The following PTPN13 variants were observed in gnomAD, a reference collection of about 807,000 sequenced individuals.
PTPN13 encodes tyrosine-protein phosphatase non-receptor type 13.
PTPN13 carries 191 observed loss-of-function variants against 284.0 expected under a neutral mutation model. That is an observed-to-expected ratio of 0.67 (90% CI 0.60 to 0.76). PTPN13 has a LOEUF of 0.76. Ranked by LOEUF, PTPN13 falls within the 30% of genes least tolerant of loss-of-function variation. PTPN13 has a pLI of 0.00. For missense variants in PTPN13, 2,797 were observed against 2,939.9 expected (o/e 0.95, Z 1.12); for synonymous variants, 986 against 1,022.3 (o/e 0.96, Z 0.68).
Position 86,745,262 on chromosome 4 carries a change from A to G in PTPN13, c.2650+134A>G, listed in dbSNP as rs555319584. 12 of 854,550 alleles carry G rather than the reference A, an allele frequency of 1.4e-5. No individual in the cohort carries two copies. In the African/African-American group the frequency reaches 2.1e-4, roughly 15 times the overall value. 52.9% of individuals were successfully genotyped at this position (854,550 alleles called of 1,614,324 possible). On this transcript the variant is annotated intron_variant, in intron 17 of 47. Transcript: ENST00000411767. ...CATGTTAAATAGCTAAATCAAGTCT[A>G]TAAAGGTGTTACAAGTGAAGCCAAT...
Position 86,741,682 on chromosome 4 carries a change from C to G in PTPN13, c.2353C>G (p.Pro785Ala). 6.2e-7 allele frequency: 1 copy of G among 1,613,646 alleles called. No individual in the cohort carries two copies. Among genetic ancestry groups the G allele is most frequent in the Non-Finnish European group, 8.5e-7 (1 of 1,179,722 alleles). The change falls in exon 16 of 48, where the codon CCT becomes GCT. Residue 785 changes from proline (P) to alanine (A), a missense_variant. By Grantham distance (27) the Pro-to-Ala change is conservative. Transcript: ENST00000411767. ...TGGAGTTCATTTTCACCGAGTGCAC[C>G]CTGAGAAGAAGTCACAAACAGGAAT... is the stretch of plus-strand genomic sequence containing the variant. The part of the protein sequence containing the change: ...EYGVHFHRVH[P>A]EKKSQTGILL...
At chr4:86,709,825 C>A (rs1453936424) in intron 7 of PTPN13, among the ~76,000 whole-genome samples, 1 of 152,154 alleles carries the variant, frequency 6.6e-6, no homozygotes. Flanking sequence ...ACTGTTCATT[C>A]TTTTTGATAT....
intron 2 of PTPN13, among the ~76,000 whole-genome samples, chr4:86,656,404 G>A (rs147015328): frequency 6.6e-6 from 1 of 152,116 alleles, no homozygotes; most frequent in Non-Finnish European, 1.5e-5. Context: ...TGATGGTGAC[G>A]TACAGATGGG....
intron 1 of PTPN13, among the ~76,000 whole-genome samples, chr4:86,622,327 A>G (rs1721341125): frequency 6.6e-6 from 1 of 152,236 alleles, no homozygotes. Context: ...CTTTAAAAAC[A>G]TACTGTAGTT....
chr4:86,650,058 T>A (rs1449426835), intron 2 of PTPN13, among the ~76,000 whole-genome samples: 1 of 152,188 alleles, frequency 6.6e-6, no homozygotes, highest in Non-Finnish European at 1.5e-5. Flanking sequence ...TGATCTTGGC[T>A]CACTGCAGCC....
intron 12 of PTPN13, among the ~76,000 whole-genome samples, chr4:86,733,629 T>C (rs1037803029): frequency 7.9e-5 from 12 of 152,116 alleles, no homozygotes; most frequent in African/African-American, 2.7e-4. Flanking sequence ...TGATGTTCTA[T>C]CACTTTACTA....
chr4:86,803,575 A>C, intron 42 of PTPN13, 134 bp from the exon 43 acceptor site: 1 of 953,318 alleles, frequency 1.0e-6, no homozygotes, highest in South Asian at 1.7e-5. Context: ...CGTAGGCGAC[A>C]GAACAAGATT....
At chr4:86,751,199 A>G (rs1691421456) in intron 19 of PTPN13, 75 bp downstream of exon 19, 1 of 1,118,728 alleles carries the variant, frequency 8.9e-7, no homozygotes, top group Non-Finnish European at 1.3e-6. Flanking sequence ...CATCTTAATT[A>G]TCAAATTATT....
chr4:86,659,729 T>C (rs555374136), intron 2 of PTPN13, among the ~76,000 whole-genome samples: 2 of 152,032 alleles, frequency 1.3e-5, no homozygotes, highest in South Asian at 4.2e-4. Context: ...AGCAGGAGAA[T>C]TACTTGAACC....
At position 86,689,098 on chromosome 4, in the gene PTPN13, G is replaced by A. The variant is rs377719957; in HGVS notation, c.454G>A (p.Ala152Thr). The change falls in exon 5 of 48, where the codon GCT (alanine) becomes ACT (threonine). Residue 152 changes from alanine to threonine, a missense_variant. Physicochemically the swap from Ala to Thr is moderately conservative, Grantham distance 58. Coordinates refer to ENST00000411767, the MANE Select transcript of PTPN13 (RefSeq NM_080683.3). ...ARVSVRTVLD[A>T]CSAHIRNSNC... ...AGTTTCTGTTCGGACTGTGCTGGAT[G>A]CTTGCAGTGCCCACATTAGGAATAG... is the stretch of plus-strand genomic sequence containing the variant. The A allele has an allele frequency of 3.7e-6, 6 of 1,608,698 alleles. No homozygotes were observed. The African/African-American group carries it at 8.0e-5, about 21-fold the overall frequency.
In PTPN13 at chr4:86,803,748, C is replaced by G; in HGVS notation, c.6545C>G (p.Pro2182Arg). Residue 2182 changes from proline (P) to arginine (R), a missense_variant, in exon 43 of 48, where the codon CCT (proline) becomes CGT (arginine). Pro to Arg is a moderately radical substitution (Grantham distance 103, BLOSUM62 -2). Coordinates refer to ENST00000411767, the MANE Select transcript of PTPN13 (RefSeq NM_080683.3). ...ACAAACGATGAGCTCGCTGTACTCC[C>G]TGTCGTCAAAGTGCTTCCCTCTGGT... is the stretch of plus-strand genomic sequence containing the variant. The part of the protein sequence containing the change: ...FLTNDELAVL[P>R]VVKVLPSGKY... 6.2e-7 allele frequency: 1 copy of G among 1,613,926 alleles called. No homozygotes were observed. The highest frequency in any genetic ancestry group is 8.5e-7 in the Non-Finnish European group (1 of 1,179,820).
intron 10 of PTPN13, among the ~76,000 whole-genome samples, 187 bp from the exon 11 acceptor site, chr4:86,732,213 T>A (rs781512836): frequency 2.0e-5 from 3 of 152,232 alleles, no homozygotes; most frequent in Non-Finnish European, 2.9e-5. Context: ...CATACTCCAT[T>A]TCTGTTATTG....
At chr4:86,605,364 C>G (rs959654712) in intron 1 of PTPN13, among the ~76,000 whole-genome samples, 6 of 151,886 alleles carry the variant, frequency 4.0e-5, no homozygotes, top group Admixed American at 6.6e-5. Context: ...GTTGGATGAT[C>G]TGATCTATGA....
intron 44 of PTPN13, 74 bp from the exon 45 acceptor site, chr4:86,807,486 C>T (rs1294273464): frequency 1.3e-5 from 14 of 1,100,336 alleles, no homozygotes; most frequent in Non-Finnish European, 1.7e-5. Context: ...TGATCTTTGA[C>T]TCATGCAATT....
At chr4:86,771,830 T>C (rs1171570593) in intron 31 of PTPN13, among the ~76,000 whole-genome samples, 2 of 152,150 alleles carry the variant, frequency 1.3e-5, no homozygotes, top group African/African-American at 2.4e-5. Flanking sequence ...AGAAACAGAA[T>C]AGACTTATTT....
intron 10 of PTPN13, among the ~76,000 whole-genome samples, chr4:86,732,067 CT>C (rs898784940): frequency 1.3e-5 from 2 of 151,996 alleles, no homozygotes; most frequent in African/African-American, 2.4e-5. Context: ...TCTTCAAGAC[CT>C]TTTTTTTGAG....
Position 86,771,370 on chromosome 4 carries a change from C to G in PTPN13, c.5003C>G (p.Ala1668Gly), listed in dbSNP as rs61730639. Residue 1668 changes from alanine (A) to glycine (G), a missense_variant, in exon 31 of 48, where the codon GCA becomes GGA. Physicochemically the swap from Ala to Gly is moderately conservative, Grantham distance 60 (BLOSUM62 0). Coordinates refer to ENST00000411767, the MANE Select transcript of PTPN13 (RefSeq NM_080683.3). ...GAAGATGACTTAGTGACAGCTCCAG[C>G]AAACATATCAAATTCGACCTGGAGT... ...SGEDDLVTAP[A>G]NISNSTWSSA... 9 of 1,576,652 alleles carry G rather than the reference C, an allele frequency of 5.7e-6. No individual in the cohort carries two copies. The African/African-American group carries it at 8.1e-5, about 14-fold the overall frequency.
intron 3 of PTPN13, among the ~76,000 whole-genome samples, chr4:86,680,251 C>T (rs896788850): frequency 2.0e-5 from 3 of 152,134 alleles, no homozygotes; most frequent in African/African-American, 7.2e-5. Flanking sequence ...TATGTTATAA[C>T]TGTATAGACA....
intron 1 of PTPN13, among the ~76,000 whole-genome samples, chr4:86,628,949 G>T (rs1423376888): frequency 6.6e-6 from 1 of 151,460 alleles, no homozygotes; most frequent in Non-Finnish European, 1.5e-5. Context: ...TGTGAATAGT[G>T]CCGCAATAAA....
Sources: allele counts gnomAD v4.1 joint callset (sites outside exome capture counted in the v4.1 genomes callset), GRCh38; gene constraint gnomAD v4.1.1; transcripts MANE v1.5; gene names NCBI Gene and HGNC (gene_info 2026-07-23, HGNC 2026-07-21).